The following KLRG1 variants were observed in gnomAD, a reference collection of about 807,000 sequenced individuals.
KLRG1 encodes the protein killer cell lectin like receptor G1.
A neutral mutation model predicts 21.8 loss-of-function variants in KLRG1; 16 were observed. That is an observed-to-expected ratio of 0.73 (90% CI 0.50 to 1.11). The LOEUF (loss-of-function observed/expected upper bound fraction) is 1.11, where lower values mean the gene tolerates loss of function less well. KLRG1 is among the 50% of genes most tolerant of loss of function. The pLI, the probability that KLRG1 is intolerant of heterozygous loss-of-function variation, is 0.00. For missense variants in KLRG1, 173 were observed against 218.3 expected (o/e 0.79, Z 1.31); for synonymous variants, 69 against 75.9 (o/e 0.91, Z 0.47).
chr12:9,040,258 G>A, the KLRG1 span, among the ~76,000 whole-genome samples: 1 of 152,086 alleles, frequency 6.6e-6, no homozygotes, highest in African/African-American at 2.4e-5. Context: ...GTCTGTCCTC[G>A]AACAATAGTA....
the KLRG1 span, among the ~76,000 whole-genome samples, chr12:9,136,722 G>A: frequency 1.3e-5 from 2 of 151,942 alleles, no homozygotes; most frequent in East Asian, 3.9e-4. Context: ...TAGGCATCCT[G>A]ACATGTGTGA....
the KLRG1 span, chr12:9,197,239 C>T: frequency 1.5e-6 from 1 of 666,814 alleles, no homozygotes; most frequent in Non-Finnish European, 2.6e-6. Context: ...CATCTGGGTG[C>T]CCACCAAGTA....
At chr12:9,207,990 G>C in the KLRG1 span, among the ~76,000 whole-genome samples, 1 of 152,110 alleles carries the variant, frequency 6.6e-6, no homozygotes, top group Non-Finnish European at 1.5e-5. Flanking sequence ...CAAAAGAACT[G>C]TTCTGTGAAG....
At chr12:9,092,902 G>A in the KLRG1 span, among the ~76,000 whole-genome samples, 2 of 152,172 alleles carry the variant, frequency 1.3e-5, no homozygotes, top group Admixed American at 6.5e-5. Flanking sequence ...GTGGCTATGC[G>A]TAATGGAATA....
chr12:9,008,123 C>G (rs1014591658), intron 3 of KLRG1, among the ~76,000 whole-genome samples: 1 of 151,978 alleles, frequency 6.6e-6, no homozygotes, highest in Non-Finnish European at 1.5e-5. Context: ...TTTTTTCTTG[C>G]CACATACAAG....
the KLRG1 span, among the ~76,000 whole-genome samples, chr12:9,153,537 TA>T: frequency 6.6e-6 from 1 of 152,346 alleles, no homozygotes; most frequent in South Asian, 2.1e-4. Context: ...CCAAATGAAA[TA>T]AAAGGCTAAT....
chr12:9,192,679 C>A, the KLRG1 span: 2 of 1,613,946 alleles, frequency 1.2e-6, no homozygotes, highest in Non-Finnish European at 1.7e-6. Context: ...TGCTGAGCAC[C>A]CTGGTGGTCT....
chr12:9,168,797 C>G, the KLRG1 span: 1 of 1,152,630 alleles, frequency 8.7e-7, no homozygotes, highest in Admixed American at 1.8e-5. Context: ...GCTACATTAC[C>G]TCATTTTAGC....
At chr12:9,068,836 T>C in the KLRG1 span, 1 of 1,593,292 alleles carries the variant, frequency 6.3e-7, no homozygotes, top group Non-Finnish European at 8.5e-7. Flanking sequence ...AGTGTCTGAT[T>C]TGACACCTGG....
At chr12:9,005,929 T>A (rs1039879187) in intron 3 of KLRG1, among the ~76,000 whole-genome samples, 1 of 152,244 alleles carries the variant, frequency 6.6e-6, no homozygotes, top group African/African-American at 2.4e-5. Context: ...CTGGCCCGCC[T>A]AGCCGCTCAC....
Position 9,009,951 on chromosome 12 carries a change from C to G in KLRG1, c.*414C>G. The stretch of plus-strand genomic sequence containing the variant: ...ACTAGAGAAGTACATTATTGCTGTA[C>G]TCCTCTGTACATTACTGATCCCTGA... On this transcript the variant is annotated 3_prime_UTR_variant, in exon 5 of 5. Transcript: ENST00000356986. 2 of 1,525,612 alleles carry G rather than the reference C, an allele frequency of 1.3e-6. No individual in the cohort carries two copies. Among genetic ancestry groups the G allele is most frequent in the Non-Finnish European group, 1.8e-6 (2 of 1,138,494 alleles). The allele number at this position is 1,525,612 out of a possible 1,614,324, so 94.5% of individuals were successfully genotyped here. A position where few individuals can be genotyped will look rare whatever the true frequency, so the allele number is the denominator to read the frequency against.
At chr12:8,995,900 C>T (rs1947116507) in intron 3 of KLRG1, among the ~76,000 whole-genome samples, 1 of 151,784 alleles carries the variant, frequency 6.6e-6, no homozygotes, top group South Asian at 2.1e-4. Context: ...GCCAGGATGG[C>T]CTTGATCTCC....
the KLRG1 span, among the ~76,000 whole-genome samples, chr12:9,175,391 G>T: frequency 6.6e-6 from 1 of 152,124 alleles, no homozygotes; most frequent in African/African-American, 2.4e-5. Context: ...CCATTCAGGA[G>T]ATAGGCGCAG....
rs1947586069 is a variant in KLRG1 at position 9,009,617 on chromosome 12, G to C, written c.*80G>C. 4 of 1,567,144 alleles carry C rather than the reference G, an allele frequency of 2.6e-6. No homozygotes were observed. The African/African-American group carries it at 4.1e-5, about 16-fold the overall frequency. ...GAGCTGGCCACTGGCTGTTGGGAAA[G>C]CCATGAGTATATAGTTAGCAAATAC... On this transcript the variant is annotated 3_prime_UTR_variant, in exon 5 of 5. Transcript: ENST00000356986.
chr12:9,096,610 A>C, the KLRG1 span, among the ~76,000 whole-genome samples: 1 of 152,244 alleles, frequency 6.6e-6, no homozygotes, highest in Non-Finnish European at 1.5e-5. Context: ...GTCCATTTGA[A>C]GGTGAGAAGT....
chr12:8,978,674 TTCTTTC>T, intron 1 of KLRG1, among the ~76,000 whole-genome samples: 1 of 150,522 alleles, frequency 6.6e-6, no homozygotes, highest in Admixed American at 6.6e-5. Context: ...CTTTCTTTCT[TTCTTTC>T]TTTCTTTCTT....
chr12:9,127,814 T>C, the KLRG1 span: 27 of 224,862 alleles, frequency 1.2e-4, no homozygotes, highest in Non-Finnish European at 2.5e-4. Flanking sequence ...GTGCGGGCTC[T>C]GGAGGAGGCC....
At chr12:9,079,946 G>T in the KLRG1 span, 3 of 1,047,234 alleles carry the variant, frequency 2.9e-6, no homozygotes, top group Non-Finnish European at 4.0e-6. Context: ...AGGGATAGAA[G>T]TATGATTGAA....
chr12:9,080,983 T>TA, the KLRG1 span, among the ~76,000 whole-genome samples: 6 of 152,182 alleles, frequency 3.9e-5, no homozygotes, highest in Non-Finnish European at 7.4e-5. Context: ...ACTACAATTT[T>TA]AGTATTGGTG....
Sources: gnomAD v4.1 joint callset for allele counts (sites outside exome capture counted in the v4.1 genomes callset) on GRCh38, gnomAD v4.1.1 for gene constraint, MANE v1.5 for transcripts, NCBI Gene and HGNC (gene_info 2026-07-23, HGNC 2026-07-21) for gene names.